The following ALOX5AP variants were observed in gnomAD, a reference collection of about 807,000 sequenced individuals.
The protein encoded by ALOX5AP is arachidonate 5-lipoxygenase activating protein.
In ALOX5AP, 9 loss-of-function variants were observed where a neutral mutation model predicts 18.5. The ratio of observed to expected loss-of-function variants is 0.49; its 90% CI spans 0.29 to 0.85. The LOEUF is 0.85. ALOX5AP is among the 40% of genes least tolerant of loss of function. ALOX5AP has a pLI of 0.08. For synonymous variants in ALOX5AP, 81 were observed against 78.6 expected (o/e 1.03, Z -0.16); for missense variants, 172 against 202.5 (o/e 0.85, Z 0.91).
chr13:30,763,106 A>G (rs1331569216), intron 4 of ALOX5AP, among the ~76,000 whole-genome samples: 2 of 152,136 alleles, frequency 1.3e-5, no homozygotes, highest in Non-Finnish European at 2.9e-5. Context: ...TCAGGAGTTC[A>G]AGACCAGCCT....
chr13:30,735,506 G>A, upstream of ALOX5AP: 3 of 1,440,460 alleles, frequency 2.1e-6, no homozygotes, highest in Non-Finnish European at 2.8e-6. Flanking sequence ...TTCAGAAATT[G>A]TAATGATGAA....
At chr13:30,713,889 C>T (rs1373225628) in intron 1 of ALOX5AP, 3 of 1,521,064 alleles carry the variant, frequency 2.0e-6, no homozygotes, top group Non-Finnish European at 1.8e-6. Context: ...CATCTTCTAC[C>T]ATGCCTCCTA....
chr13:30,723,827 T>C (rs1372168970), intron 1 of ALOX5AP, among the ~76,000 whole-genome samples: 1 of 152,224 alleles, frequency 6.6e-6, no homozygotes, highest in Non-Finnish European at 1.5e-5. Flanking sequence ...TTTGAACTCC[T>C]GTGCTCAAGC....
intron 1 of ALOX5AP, among the ~76,000 whole-genome samples, chr13:30,722,396 G>A (rs990158590): frequency 1.3e-5 from 2 of 152,194 alleles, no homozygotes; most frequent in Non-Finnish European, 2.9e-5. Flanking sequence ...GAGAGCTTAC[G>A]TGTTTAAGCC....
intron 3 of ALOX5AP, among the ~76,000 whole-genome samples, chr13:30,755,198 G>A (rs1401547626): frequency 6.6e-6 from 1 of 152,202 alleles, no homozygotes; most frequent in Non-Finnish European, 1.5e-5. Flanking sequence ...AGGCTAGAAC[G>A]CAGAGGGAAT....
At chr13:30,732,801 A>G (rs1951691891), upstream of ALOX5AP, among the ~76,000 whole-genome samples, 1 of 152,138 alleles carries the variant, frequency 6.6e-6, no homozygotes, top group African/African-American at 2.4e-5. Flanking sequence ...AGAGATTGGA[A>G]GAAAGACAGA....
At chr13:30,723,937 A>G (rs978518054) in intron 1 of ALOX5AP, among the ~76,000 whole-genome samples, 8 of 152,170 alleles carry the variant, frequency 5.3e-5, no homozygotes, top group African/African-American at 1.9e-4. Context: ...AATCAATTTT[A>G]TTGAAGTATA....
rs1371974922 is a variant in ALOX5AP at position 30,752,176 on chromosome 13, G to A, written c.241+54G>A. The A allele has an allele frequency of 3.8e-6, 6 of 1,567,192 alleles. No individual in the cohort carries two copies. The African/African-American group carries it at 8.1e-5, about 21-fold the overall frequency. On this transcript the variant is annotated intron_variant, in intron 3 of 4. Coordinates refer to ENST00000380490, the MANE Select transcript of ALOX5AP (RefSeq NM_001629.4). ...CCTTCTATAAAGTGCATCTCAAGGA[G>A]GTTCAAAGGGCAGGCTTTTTGTTGA...
intron 1 of ALOX5AP, among the ~76,000 whole-genome samples, chr13:30,715,919 C>T (rs1566077068): frequency 1.3e-5 from 2 of 152,136 alleles, no homozygotes; most frequent in South Asian, 2.1e-4. Context: ...CACTTAATGG[C>T]CTGATAAGAA....
At chr13:30,762,042 CAG>C (rs1951946248) in intron 4 of ALOX5AP, among the ~76,000 whole-genome samples, 1 of 152,124 alleles carries the variant, frequency 6.6e-6, no homozygotes, top group Non-Finnish European at 1.5e-5. Context: ...AACAGGAAAA[CAG>C]GGAGAGAATG....
chr13:30,747,678 G>T (rs1951820012), intron 2 of ALOX5AP, among the ~76,000 whole-genome samples: 1 of 152,182 alleles, frequency 6.6e-6, no homozygotes, highest in South Asian at 2.1e-4. Context: ...ACAAGTTCAT[G>T]GACTTTTAAC....
chr13:30,749,075 T>C (rs1280973341), intron 2 of ALOX5AP, among the ~76,000 whole-genome samples: 1 of 152,246 alleles, frequency 6.6e-6, no homozygotes, highest in African/African-American at 2.4e-5. Flanking sequence ...TCTGAGAATA[T>C]TCTGGAAATC....
At chr13:30,759,619 C>A (rs1054700076) in intron 4 of ALOX5AP, among the ~76,000 whole-genome samples, 1 of 152,178 alleles carries the variant, frequency 6.6e-6, no homozygotes, top group Non-Finnish European at 1.5e-5. Flanking sequence ...TCTCAAAAAG[C>A]AAGAAGACTG....
At chr13:30,763,110 C>A (rs758182668) in intron 4 of ALOX5AP, among the ~76,000 whole-genome samples, 17 of 152,194 alleles carry the variant, frequency 1.1e-4, no homozygotes, top group Non-Finnish European at 1.9e-4. Flanking sequence ...GAGTTCAAGA[C>A]CAGCCTGGCT....
At chr13:30,713,752 C>T (rs1040690418) in exon 1 of ALOX5AP, 2 of 1,535,408 alleles carry the variant, frequency 1.3e-6, no homozygotes, top group Middle Eastern at 1.7e-4. Flanking sequence ...ACGATGCTCC[C>T]TGGCATACAC....
chr13:30,715,112 ATTCAGAAACAATTGGGT>A (rs891986469), intron 1 of ALOX5AP, among the ~76,000 whole-genome samples: 3 of 152,150 alleles, frequency 2.0e-5, no homozygotes, highest in African/African-American at 7.2e-5. Flanking sequence ...TCCCCTGGTC[ATTCAGAAACAATTGGGT>A]TTCCCTGGCT....
At chr13:30,738,091 A>G (rs946674646) in intron 1 of ALOX5AP, among the ~76,000 whole-genome samples, 6 of 152,182 alleles carry the variant, frequency 3.9e-5, no homozygotes, top group African/African-American at 7.2e-5. Context: ...AAAGATTTCC[A>G]TGGTGTTACC....
At chr13:30,754,625 A>T (rs17245267) in intron 3 of ALOX5AP, among the ~76,000 whole-genome samples, 9,899 of 152,350 alleles carry the variant, frequency 0.065, 454 homozygotes, top group Non-Finnish European at 0.1. Context: ...AATAAATGTT[A>T]TTATTGATAA....
intron 2 of ALOX5AP, among the ~76,000 whole-genome samples, chr13:30,749,355 T>C (rs1435296886): frequency 1.3e-5 from 2 of 152,058 alleles, no homozygotes; most frequent in Non-Finnish European, 2.9e-5. Flanking sequence ...GCAGGGGAAA[T>C]CTTTGGTACT....
Sources: gnomAD v4.1 joint callset for allele counts (sites outside exome capture counted in the v4.1 genomes callset) on GRCh38, gnomAD v4.1.1 for gene constraint, MANE v1.5 for transcripts, NCBI Gene and HGNC (gene_info 2026-07-23, HGNC 2026-07-21) for gene names.